GPX7: variants seen among roughly 807,000 people sequenced by gnomAD.
GPX7 encodes protein peroxidase GPX7.
In GPX7, 21 loss-of-function variants were observed where a neutral mutation model predicts 23.7. The ratio of observed to expected loss-of-function variants is 0.89; its 90% CI spans 0.63 to 1.28. GPX7 has a LOEUF of 1.28. Among genes scored for constraint, GPX7 ranks in the 50% most tolerant of loss-of-function variants. The pLI, the probability that GPX7 is intolerant of heterozygous loss-of-function variation, is 0.00. For missense variants in GPX7, 238 were observed against 237.3 expected (o/e 1.00, Z -0.02); for synonymous variants, 112 against 101.8 (o/e 1.10, Z -0.61).
rs536101252 is a variant in GPX7, at chr1:52,604,841, G to A, written c.139-1843G>A. 4.6e-5 allele frequency among the ~76,000 whole-genome samples: 7 copies of A among 152,070 alleles called. No homozygotes were observed. The South Asian group carries it at 8.3e-4, about 18-fold the overall frequency. On this transcript the variant is annotated intron_variant, in intron 1 of 2. Transcript: ENST00000361314. The stretch of plus-strand genomic sequence containing the variant: ...GGGTGGATCACAAGGTGAGGAGTTC[G>A]AGGCTAGCCTGGCCAACATGGTGAA...
chr1:52,604,906 A>T (rs904086952), intron 1 of GPX7, among the ~76,000 whole-genome samples: 1 of 152,038 alleles, frequency 6.6e-6, no homozygotes, highest in African/African-American at 2.4e-5. Context: ...TTAGCTGGGC[A>T]TGGTGGCGTG....
intron 2 of GPX7, among the ~76,000 whole-genome samples, chr1:52,608,059 C>T (rs1160608374): frequency 2.0e-5 from 3 of 152,182 alleles, no homozygotes; most frequent in Non-Finnish European, 2.9e-5. Flanking sequence ...TTCTCAACCT[C>T]GGCCCCACTT....
chr1:52,602,533 A>C lies in GPX7; in HGVS notation c.124A>C (p.Lys42Gln). 1 of 1,561,150 alleles carries C rather than the reference A, an allele frequency of 6.4e-7. No individual in the cohort carries two copies. Residue 42 changes from lysine to glutamine, a missense_variant, in exon 1 of 3, where the codon AAG (lysine) becomes CAG (glutamine). Transcript: ENST00000361314. ...NIRGKLVSLE[K>Q]YRGSVSLVVN... ...CCGGGGCAAACTGGTGTCGCTGGAG[A>C]AGTACCGCGGATCGGTGAGTGCGCG... is the stretch of plus-strand genomic sequence containing the variant.
chr1:52,606,466 A>G (rs1218080640), intron 1 of GPX7, among the ~76,000 whole-genome samples: 7 of 152,046 alleles, frequency 4.6e-5, no homozygotes, highest in African/African-American at 1.7e-4. Context: ...TAAGCTCCTG[A>G]ATGTTTGATT....
At position 52,608,397 on chromosome 1, in the gene GPX7, T is replaced by G. The variant is rs1375933625; in HGVS notation, c.536T>G (p.Leu179Arg). Residue 179 changes from leucine (L) to arginine (R), a missense_variant, in exon 3 of 3, where the codon CTC becomes CGC. Physicochemically the swap from Leu to Arg is moderately radical, Grantham distance 102. Coordinates refer to ENST00000361314, the MANE Select transcript of GPX7 (RefSeq NM_015696.5). ...CAGATCACAGCGCTCGTGAGGAAGC[T>G]CATCCTACTGAAGCGAGAAGACTTA... is the stretch of plus-strand genomic sequence containing the variant. Reference protein sequence around the residue: ...RPQITALVRKLILLKREDL With the variant: ...RPQITALVRKRILLKREDL 6.2e-7 allele frequency: 1 copy of G among 1,613,066 alleles called. No individual in the cohort carries two copies. The highest frequency in any genetic ancestry group is 1.7e-5 in the Admixed American group (1 of 59,748).
At chr1:52,602,580 C>T (rs1275670066) in intron 1 of GPX7, 33 bp downstream of exon 1, 7 of 1,444,478 alleles carry the variant, frequency 4.8e-6, no homozygotes, top group Middle Eastern at 1.9e-4. Context: ...CGCCGCTGGG[C>T]CCGGCCTCGC....
chr1:52,608,458 G>T lies in GPX7; in HGVS notation c.*33G>T, dbSNP rs760126123. On this transcript the variant is annotated 3_prime_UTR_variant, in exon 3 of 3. Coordinates refer to ENST00000361314, the MANE Select transcript of GPX7 (RefSeq NM_015696.5). ...GTCTCCTCCTCCACCACCTCATCCC[G>T]CCCACCTGTGTGGGGCTGACCAATG... 1.3e-6 allele frequency: 2 copies of T among 1,567,754 alleles called. No homozygotes were observed. Among genetic ancestry groups the T allele is most frequent in the East Asian group, 2.3e-5 (1 of 44,302 alleles).
chr1:52,602,580 C>G, intron 1 of GPX7, 33 bp downstream of exon 1: 1 of 1,444,586 alleles, frequency 6.9e-7, no homozygotes, highest in Non-Finnish European at 9.3e-7. Flanking sequence ...CGCCGCTGGG[C>G]CCGGCCTCGC....
At chr1:52,603,005 A>G in intron 1 of GPX7, among the ~76,000 whole-genome samples, 1 of 91,682 alleles carries the variant, frequency 1.1e-5, no homozygotes, top group East Asian at 3.2e-4. Flanking sequence ...TGTGGAGATC[A>G]ATGTGCAGGG....
Position 52,606,944 on chromosome 1 carries a change from C to A in GPX7, c.399C>A (p.Ala133=). The change falls in exon 2 of 3, where the codon GCC becomes GCA. Residue 133 remains alanine, a splice_region_variant and synonymous_variant. Coordinates refer to ENST00000361314, the MANE Select transcript of GPX7 (RefSeq NM_015696.5). ...TGAHPAFKYL[A]QTSGKEPTWN... ...CCCATCCTGCCTTCAAGTACCTGGC[C>A]CGTAAGTCCTGGTCTCTTCATCCCC... 1.2e-6 allele frequency: 2 copies of A among 1,613,942 alleles called. No homozygotes were observed. The highest frequency in any genetic ancestry group is 1.7e-6 in the Non-Finnish European group (2 of 1,179,860).
intron 2 of GPX7, among the ~76,000 whole-genome samples, chr1:52,608,058 T>C (rs953088719): frequency 2.6e-5 from 4 of 152,188 alleles, no homozygotes; most frequent in African/African-American, 9.7e-5. Flanking sequence ...GTTCTCAACC[T>C]CGGCCCCACT....
In GPX7 at chr1:52,608,440, C is replaced by A. The variant is rs770053429; in HGVS notation, c.*15C>A. On this transcript the variant is annotated 3_prime_UTR_variant, in exon 3 of 3. Coordinates refer to ENST00000361314, the MANE Select transcript of GPX7 (RefSeq NM_015696.5). Reference sequence around the variant, plus strand: ...AAGACTTATAACCACCGCGTCTCCTCCTCCACCACCTCATCCCGCCCACCT... The same window carrying A: ...AAGACTTATAACCACCGCGTCTCCTACTCCACCACCTCATCCCGCCCACCT... The A allele has an allele frequency of 5.0e-6, 8 of 1,586,846 alleles. No homozygotes were observed. In the East Asian group the frequency reaches 1.8e-4, roughly 36 times the overall value.
chr1:52,606,584 G>C, intron 1 of GPX7, 100 bp from the exon 2 acceptor site: 2 of 1,335,222 alleles, frequency 1.5e-6, no homozygotes, highest in Non-Finnish European at 2.1e-6. Context: ...AGTATTAACT[G>C]TTGAGGGAGT....
intron 1 of GPX7, among the ~76,000 whole-genome samples, chr1:52,603,403 C>G (rs554023461): frequency 1.3e-5 from 2 of 152,262 alleles, no homozygotes; most frequent in African/African-American, 4.8e-5. Context: ...TTCAAAGAGT[C>G]TAAAGCTGGA....
At position 52,608,548 on chromosome 1, in the gene GPX7, T is replaced by G. The variant is rs1690880033; in HGVS notation, c.*123T>G. 2.7e-6 allele frequency: 2 copies of G among 748,902 alleles called. No individual in the cohort carries two copies. 46.4% of individuals were successfully genotyped at this position (748,902 alleles called of 1,614,324 possible). A position where few individuals can be genotyped will look rare whatever the true frequency, so the allele number is the denominator to read the frequency against. The stretch of plus-strand genomic sequence containing the variant: ...TCTCCTTCCTTTACTCTTATGCCAT[T>G]GGTCCCATCATTCTTGTGGGGGAAA... On this transcript the variant is annotated 3_prime_UTR_variant, in exon 3 of 3. Coordinates refer to ENST00000361314, the MANE Select transcript of GPX7 (RefSeq NM_015696.5).
At chr1:52,603,419 C>A (rs1690822869) in intron 1 of GPX7, among the ~76,000 whole-genome samples, 1 of 152,052 alleles carries the variant, frequency 6.6e-6, no homozygotes, top group Non-Finnish European at 1.5e-5. Flanking sequence ...CTGGAGGCTA[C>A]GAGTGGTGGA....
In GPX7 at chr1:52,602,456, C is replaced by T; in HGVS notation, c.47C>T (p.Ala16Val). 1 of 1,535,934 alleles carries T rather than the reference C, an allele frequency of 6.5e-7. No homozygotes were observed. Among genetic ancestry groups the T allele is most frequent in the East Asian group, 2.8e-5 (1 of 35,466 alleles). The stretch of plus-strand genomic sequence containing the variant: ...GCGGCGTGGCTGCTCCTGTGGGCTG[C>T]GGCCTGCGCGCAGCAGGAGCAGGAC... Reference protein sequence around the residue: ...VAAAWLLLWAAACAQQEQDFY... With the variant: ...VAAAWLLLWAVACAQQEQDFY... The change falls in exon 1 of 3, where the codon GCG becomes GTG. Residue 16 changes from alanine to valine, a missense_variant. Transcript: ENST00000361314.
At chr1:52,604,511 G>C (rs1447837673) in intron 1 of GPX7, among the ~76,000 whole-genome samples, 2 of 152,218 alleles carry the variant, frequency 1.3e-5, no homozygotes, top group Admixed American at 1.3e-4. Flanking sequence ...GACCACTTGG[G>C]AATGTGTGGG....
chr1:52,602,786 G>C (rs1450969684), intron 1 of GPX7, among the ~76,000 whole-genome samples: 1 of 151,974 alleles, frequency 6.6e-6, no homozygotes, highest in African/African-American at 2.4e-5. Flanking sequence ...GGAGGAACCC[G>C]AAGCGCTCGC....
Sources: gnomAD v4.1 joint callset for allele counts (sites outside exome capture counted in the v4.1 genomes callset) on GRCh38, gnomAD v4.1.1 for gene constraint, MANE v1.5 for transcripts, NCBI Gene and HGNC (gene_info 2026-07-23, HGNC 2026-07-21) for gene names.